The following LRRIQ4 variants were observed in gnomAD, a reference collection of about 807,000 sequenced individuals.
LRRIQ4 encodes leucine-rich repeat and IQ domain-containing protein 4.
In LRRIQ4, 21 loss-of-function variants were observed where a neutral mutation model predicts 40.1. The observed-to-expected ratio is 0.52, with a 90% CI of 0.37 to 0.75. The LOEUF (loss-of-function observed/expected upper bound fraction) is 0.75, where lower values mean the gene tolerates loss of function less well. Ranked by LOEUF, LRRIQ4 falls within the 30% of genes least tolerant of loss-of-function variation. The pLI is 0.00. For synonymous variants in LRRIQ4, 277 were observed against 277.1 expected (o/e 1.00, Z 0.00); for missense variants, 655 against 660.0 (o/e 0.99, Z 0.08).
intron 4 of LRRIQ4, among the ~76,000 whole-genome samples, chr3:169,831,261 C>CTTTTTTTTTTTTTTTTTT (rs869088396): frequency 3.0e-5 from 1 of 33,460 alleles, no homozygotes; most frequent in African/African-American, 1.0e-4. Flanking sequence ...TATGGCTATT[C>CTTTTTTTTTTTTTTTTTT]TTTTTTTTTT....
At chr3:169,828,718 A>G in intron 2 of LRRIQ4, 41 bp from the exon 3 acceptor site, 1 of 1,581,212 alleles carries the variant, frequency 6.3e-7, no homozygotes, top group Middle Eastern at 1.7e-4. Context: ...GCTGTTAAAA[A>G]TAATCTTGAC....
At chr3:169,816,536 C>G (rs1367446037) in intron 1 of LRRIQ4, among the ~76,000 whole-genome samples, 1 of 151,936 alleles carries the variant, frequency 6.6e-6, no homozygotes, top group East Asian at 1.9e-4. Context: ...CTCTTTTTCT[C>G]TTAATCTGGC....
chr3:169,816,753 C>T (rs1779779274), intron 1 of LRRIQ4, among the ~76,000 whole-genome samples: 2 of 151,412 alleles, frequency 1.3e-5, no homozygotes, highest in Non-Finnish European at 2.9e-5. Flanking sequence ...TCACTGCAAC[C>T]TCTGCCTCCT....
intron 2 of LRRIQ4, among the ~76,000 whole-genome samples, chr3:169,827,390 G>A (rs1383836668): frequency 6.6e-6 from 1 of 151,984 alleles, no homozygotes; most frequent in Non-Finnish European, 1.5e-5. Context: ...GGCGGACCAC[G>A]AGGTCAGGAG....
intron 5 of LRRIQ4, 148 bp downstream of exon 5, chr3:169,833,331 C>A: frequency 1.7e-6 from 1 of 600,858 alleles, no homozygotes; most frequent in Non-Finnish European, 2.7e-6. Flanking sequence ...GTCCCCAGGG[C>A]TAAGTAAGAA....
intron 3 of LRRIQ4, 84 bp from the exon 4 acceptor site, chr3:169,830,408 A>ATG: frequency 1.8e-6 from 1 of 548,962 alleles, no homozygotes; most frequent in African/African-American, 2.1e-5. Context: ...AAAAAAAAAA[A>ATG]ATGCATGAGC....
intron 4 of LRRIQ4, among the ~76,000 whole-genome samples, chr3:169,831,840 G>A (rs926581305): frequency 6.6e-6 from 1 of 151,792 alleles, no homozygotes; most frequent in African/African-American, 2.4e-5. Context: ...GATGGCACGT[G>A]CCTGTAATCC....
Position 169,821,906 on chromosome 3 carries a change from G to C in LRRIQ4, c.-16G>C, listed in dbSNP as rs9862465. On this transcript the variant is annotated 5_prime_UTR_variant, in exon 2 of 6. Transcript: ENST00000340806. ...AATATTTCAGATTTTGAATATTTGA[G>C]CTTTTCTTCACAATAATGTCAAAAG... 15 of 1,387,222 alleles carry C rather than the reference G, an allele frequency of 1.1e-5. No individual in the cohort carries two copies. The highest frequency in any genetic ancestry group is 1.4e-5 in the Non-Finnish European group (15 of 1,060,614). 85.9% of individuals were successfully genotyped at this position (1,387,222 alleles called of 1,614,324 possible). A position where few individuals can be genotyped will look rare whatever the true frequency, so the allele number is the denominator to read the frequency against.
chr3:169,833,756 G>T (rs1262016661), intron 5 of LRRIQ4, among the ~76,000 whole-genome samples: 1 of 152,044 alleles, frequency 6.6e-6, no homozygotes, highest in African/African-American at 2.4e-5. Context: ...TCTGACTACT[G>T]TCCCTGCTTG....
chr3:169,823,303 T>C (rs1457852578), intron 2 of LRRIQ4, among the ~76,000 whole-genome samples: 3 of 151,896 alleles, frequency 2.0e-5, no homozygotes, highest in Admixed American at 6.6e-5. Flanking sequence ...GCAGCCGCGA[T>C]TCCAGCCCAC....
intron 3 of LRRIQ4, 53 bp downstream of exon 3, chr3:169,828,985 T>C (rs1302521878): frequency 6.6e-7 from 1 of 1,516,726 alleles, no homozygotes; most frequent in Admixed American, 2.2e-5. Context: ...GCCTCTTAAA[T>C]TGGCTGAAAC....
In LRRIQ4 at chr3:169,822,120, A is replaced by G. The variant is rs1779907734; in HGVS notation, c.199A>G (p.Ile67Val). ...CCAGATTGAAGAAATTCCCCAGGAG[A>G]TTCAGCGTTTAAAGAACATCAGGGT... ...NNQIEEIPQE[I>V]QRLKNIRVLY... Residue 67 changes from isoleucine (I) to valine (V), a missense_variant, in exon 2 of 6, where the codon ATT becomes GTT. Coordinates refer to ENST00000340806, the MANE Select transcript of LRRIQ4 (RefSeq NM_001080460.3). 2.5e-6 allele frequency: 4 copies of G among 1,612,458 alleles called. No individual in the cohort carries two copies. The highest frequency in any genetic ancestry group is 3.4e-6 in the Non-Finnish European group (4 of 1,179,568).
chr3:169,831,212 T>G (rs1308515564), intron 4 of LRRIQ4, among the ~76,000 whole-genome samples: 1 of 151,418 alleles, frequency 6.6e-6, no homozygotes, highest in African/African-American at 2.4e-5. Flanking sequence ...GTTTCTTTTT[T>G]TTTTTCTGAA....
intron 5 of LRRIQ4, among the ~76,000 whole-genome samples, chr3:169,835,239 A>G (rs1780279079): frequency 6.6e-6 from 1 of 152,202 alleles, no homozygotes; most frequent in Admixed American, 6.5e-5. Context: ...TGACATGTCA[A>G]CTAGGCTTCC....
chr3:169,822,820 G>T lies in LRRIQ4; in HGVS notation c.899G>T (p.Arg300Met). 1.9e-5 allele frequency: 30 copies of T among 1,613,668 alleles called. No homozygotes were observed. The highest frequency in any genetic ancestry group is 2.5e-5 in the Non-Finnish European group (30 of 1,179,764). The change falls in exon 2 of 6, where the codon AGG (arginine) becomes ATG (methionine). Residue 300 changes from arginine (R) to methionine (M), a missense_variant. Transcript: ENST00000340806. ...CTGCACAGGCTGCGGGGCTCCTTCA[G>T]GTGCCTGGTCAACTTGCGCTTCCTG... is the stretch of plus-strand genomic sequence containing the variant. ...TGLHRLRGSF[R>M]CLVNLRFLDL... is the part of the protein sequence containing the mutation.
At chr3:169,826,366 G>T (rs1576765634) in intron 2 of LRRIQ4, among the ~76,000 whole-genome samples, 1 of 149,006 alleles carries the variant, frequency 6.7e-6, no homozygotes, top group African/African-American at 2.5e-5. Flanking sequence ...CCGTCCAGCC[G>T]AGGCAAGAAG....
At chr3:169,824,158 A>G (rs1407026105) in intron 2 of LRRIQ4, among the ~76,000 whole-genome samples, 1 of 152,168 alleles carries the variant, frequency 6.6e-6, no homozygotes, top group Admixed American at 6.5e-5. Context: ...AATATAAAAT[A>G]TTGACTGGAA....
intron 4 of LRRIQ4, among the ~76,000 whole-genome samples, chr3:169,832,002 A>G (rs1438417497): frequency 6.6e-6 from 1 of 151,988 alleles, no homozygotes; most frequent in Non-Finnish European, 1.5e-5. Context: ...AAAAGAAAAA[A>G]AAAATGGAGA....
At chr3:169,833,635 G>A (rs1780236476) in intron 5 of LRRIQ4, among the ~76,000 whole-genome samples, 1 of 152,180 alleles carries the variant, frequency 6.6e-6, no homozygotes, top group African/African-American at 2.4e-5. Flanking sequence ...AGCCCTTTGA[G>A]CCCATGGAGA....
Sources: allele counts gnomAD v4.1 joint callset (sites outside exome capture counted in the v4.1 genomes callset), GRCh38; gene constraint gnomAD v4.1.1; transcripts MANE v1.5; gene names NCBI Gene and HGNC (gene_info 2026-07-23, HGNC 2026-07-21).